The following TRPC4AP variants were observed in gnomAD, a reference collection of about 807,000 sequenced individuals.
The protein encoded by TRPC4AP is short transient receptor potential channel 4-associated protein.
A neutral mutation model predicts 99.0 loss-of-function variants in TRPC4AP; 45 were observed. The ratio of observed to expected loss-of-function variants is 0.45; its 90% CI spans 0.36 to 0.58. The LOEUF (loss-of-function observed/expected upper bound fraction) is 0.58, where lower values mean the gene tolerates loss of function less well. TRPC4AP is among the 20% of genes least tolerant of loss of function. The pLI, the probability that TRPC4AP is intolerant of heterozygous loss-of-function variation, is 0.00. For synonymous variants in TRPC4AP, 408 were observed against 385.8 expected (o/e 1.06, Z -0.67); for missense variants, 879 against 985.3 (o/e 0.89, Z 1.44).
intron 2 of TRPC4AP, among the ~76,000 whole-genome samples, chr20:35,071,698 G>A (rs1361360251): frequency 6.6e-6 from 1 of 152,090 alleles, no homozygotes; most frequent in Non-Finnish European, 1.5e-5. Flanking sequence ...GGACATTTGG[G>A]TTGGTTCCAA....
chr20:35,030,141 T>C (rs1339237403), intron 8 of TRPC4AP, among the ~76,000 whole-genome samples: 1 of 148,446 alleles, frequency 6.7e-6, no homozygotes, highest in Non-Finnish European at 1.5e-5. Flanking sequence ...CTAGAGAGGC[T>C]GAGGTAGGGG....
At chr20:35,070,231 G>A (rs1035415476) in intron 2 of TRPC4AP, among the ~76,000 whole-genome samples, 2 of 151,968 alleles carry the variant, frequency 1.3e-5, no homozygotes, top group South Asian at 4.2e-4. Flanking sequence ...TGTTACTTCC[G>A]GCTGCTAGGT....
At chr20:35,024,052 T>C (rs1453269580) in intron 8 of TRPC4AP, among the ~76,000 whole-genome samples, 1 of 151,998 alleles carries the variant, frequency 6.6e-6, no homozygotes, top group African/African-American at 2.4e-5. Context: ...CCTGAGTCTC[T>C]TCAGCTCTAC....
At chr20:35,027,805 G>A (rs778588915) in intron 8 of TRPC4AP, among the ~76,000 whole-genome samples, 6 of 152,020 alleles carry the variant, frequency 3.9e-5, no homozygotes, top group Non-Finnish European at 8.8e-5. Context: ...ATTGTTTATA[G>A]TATTCCCTTA....
chr20:35,058,544 T>G (rs527974294), intron 3 of TRPC4AP, among the ~76,000 whole-genome samples: 7 of 152,298 alleles, frequency 4.6e-5, no homozygotes, highest in African/African-American at 1.7e-4. Flanking sequence ...AAACCCATCC[T>G]AAATAATAAT....
Position 35,035,095 on chromosome 20 carries a change from A to G in TRPC4AP, c.1051+28T>C, listed in dbSNP as rs1457902316. On this transcript the variant is annotated intron_variant, in intron 8 of 18. Transcript: ENST00000252015. Reference sequence around the variant, plus strand: ...CCAGGCGCCCAAGGAAAAGCTCCCGATCACTCAGGGGACCCATCCTTCCAT... The same window carrying G: ...CCAGGCGCCCAAGGAAAAGCTCCCGGTCACTCAGGGGACCCATCCTTCCAT... 3.2e-6 allele frequency: 5 copies of G among 1,583,468 alleles called. No individual in the cohort carries two copies. The Admixed American group carries it at 7.3e-5, about 23-fold the overall frequency.
At position 35,003,394 on chromosome 20, in the gene TRPC4AP, A is replaced by AG. The variant is rs11481073; in HGVS notation, c.2256+15dup. 0.72 allele frequency: 1,158,726 copies of AG among 1,613,664 alleles called. 418,049 individuals carry two copies. Among genetic ancestry groups the AG allele is most frequent in the Admixed American group, 0.86 (51,511 of 60,016 alleles). On this transcript the variant is annotated intron_variant, in intron 18 of 18. Transcript: ENST00000252015. ...CCGCGGCCCACCCATCACCCCCTTG[A>AG]GGGTGGGGCACTCACGTTCTCTAGG... is the stretch of plus-strand genomic sequence containing the variant.
intron 2 of TRPC4AP, among the ~76,000 whole-genome samples, chr20:35,072,303 A>G (rs1298589292): frequency 6.6e-6 from 1 of 152,200 alleles, no homozygotes; most frequent in African/African-American, 2.4e-5. Context: ...CCATTTGCCA[A>G]TTCTGGCTTT....
intron 3 of TRPC4AP, among the ~76,000 whole-genome samples, chr20:35,066,473 C>A (rs2084147885): frequency 1.3e-5 from 2 of 152,094 alleles, no homozygotes; most frequent in South Asian, 4.1e-4. Context: ...CCACATAGAT[C>A]AAGATAAAGA....
At chr20:35,073,073 G>A (rs1194046768) in intron 2 of TRPC4AP, among the ~76,000 whole-genome samples, 2 of 152,214 alleles carry the variant, frequency 1.3e-5, no homozygotes, top group East Asian at 3.9e-4. Context: ...CTCATGATTT[G>A]GCTGTCTGTT....
Position 35,004,555 on chromosome 20 carries a change from G to T in TRPC4AP, c.1952C>A (p.Ser651Tyr). The change falls in exon 17 of 19, where the codon TCT (serine) becomes TAT (tyrosine). Residue 651 changes from serine to tyrosine, a missense_variant. By Grantham distance (144) the Ser-to-Tyr change is moderately radical. Coordinates refer to ENST00000252015, the MANE Select transcript of TRPC4AP (RefSeq NM_015638.3). The stretch of plus-strand genomic sequence containing the variant: ...TATGTAGGCGAGCAGGCGGCATTCA[G>T]ACAGTACCTCGGCAACTGTGGAGGG... ...QVDMKVAEVL[S>Y]ECRLLAYISQ... is the part of the protein sequence containing the mutation. The T allele has an allele frequency of 6.2e-7, 1 of 1,613,916 alleles. No homozygotes were observed. The highest frequency in any genetic ancestry group is 8.5e-7 in the Non-Finnish European group (1 of 1,179,882).
chr20:35,032,529 T>C (rs6142276), intron 8 of TRPC4AP, among the ~76,000 whole-genome samples: 57,564 of 144,946 alleles, frequency 0.4, 12,480 homozygotes, highest in East Asian at 0.59. Context: ...TGAAATGCAG[T>C]GGCAGGATCT....
chr20:35,036,969 A>T (rs2083333716), intron 7 of TRPC4AP, among the ~76,000 whole-genome samples: 1 of 152,038 alleles, frequency 6.6e-6, no homozygotes, highest in Non-Finnish European at 1.5e-5. Flanking sequence ...AAACACACAC[A>T]CACACACACA....
At chr20:35,045,617 C>T (rs1443693551) in intron 6 of TRPC4AP, among the ~76,000 whole-genome samples, 1 of 152,094 alleles carries the variant, frequency 6.6e-6, no homozygotes, top group Non-Finnish European at 1.5e-5. Flanking sequence ...TGACTCACTG[C>T]AAACTCCACC....
At chr20:35,049,787 T>G in intron 6 of TRPC4AP, 79 bp downstream of exon 6, 1 of 1,462,782 alleles carries the variant, frequency 6.8e-7, no homozygotes, top group Non-Finnish European at 9.2e-7. Flanking sequence ...TTAAAAAAGC[T>G]CTGTATATTA....
intron 6 of TRPC4AP, among the ~76,000 whole-genome samples, chr20:35,047,403 G>A (rs1191218971): frequency 4.6e-5 from 7 of 152,118 alleles, no homozygotes; most frequent in South Asian, 2.1e-4. Context: ...TCTACCACTC[G>A]ATTATTTCAA....
Position 35,003,270 on chromosome 20 carries a change from C to A in TRPC4AP, c.2270G>T (p.Ser757Ile). 1 of 1,614,156 alleles carries A rather than the reference C, an allele frequency of 6.2e-7. No individual in the cohort carries two copies. Among genetic ancestry groups the A allele is most frequent in the African/African-American group, 1.3e-5 (1 of 75,058 alleles). The part of the protein sequence containing the change: ...STCLENSSCI[S>I]FSYWKETVSI... ...CACTGTCTCCTTCCAGTATGAGAAG[C>A]TGATGCAGGAGCTCTGGGCAAAGAG... Residue 757 changes from serine (S) to isoleucine (I), a missense_variant, in exon 19 of 19, where the codon AGC becomes ATC. This residue lies in a region of TRPC4AP where 224 missense variants were observed against 264.7 expected (regional missense o/e 0.85). Transcript: ENST00000252015.
intron 5 of TRPC4AP, among the ~76,000 whole-genome samples, chr20:35,051,822 C>T (rs1463102288): frequency 1.3e-5 from 2 of 152,126 alleles, no homozygotes; most frequent in Non-Finnish European, 2.9e-5. Context: ...AACCCTGCTG[C>T]TCTAACTAGC....
intron 8 of TRPC4AP, among the ~76,000 whole-genome samples, chr20:35,027,929 A>G (rs1265120477): frequency 6.6e-6 from 1 of 151,944 alleles, no homozygotes; most frequent in Non-Finnish European, 1.5e-5. Context: ...AACTTTGTTG[A>G]TCTTTTTAAA....
Sources: gnomAD v4.1 joint callset for allele counts (sites outside exome capture counted in the v4.1 genomes callset) on GRCh38, gnomAD v4.1.1 for gene constraint, gnomAD v4.1.1 regional missense constraint, MANE v1.5 for transcripts, NCBI Gene and HGNC (gene_info 2026-07-23, HGNC 2026-07-21) for gene names.